The following HHLA1 variants were observed in gnomAD, a reference collection of about 807,000 sequenced individuals.
The protein encoded by HHLA1 is HERV-H LTR-associating protein 1.
HHLA1 carries 72 observed loss-of-function variants against 69.9 expected under a neutral mutation model. That is an observed-to-expected ratio of 1.03 (90% CI 0.85 to 1.25). The LOEUF (loss-of-function observed/expected upper bound fraction) is 1.25. HHLA1 is among the 50% of genes most tolerant of loss of function. The pLI is 0.00. For synonymous variants in HHLA1, 252 were observed against 233.2 expected, an observed-to-expected ratio of 1.08 and a Z score of -0.73; for missense variants, 685 against 642.2, an observed-to-expected ratio of 1.07 and a Z score of -0.72.
chr8:132,084,061 A>G (rs976354086), intron 10 of HHLA1, among the ~76,000 whole-genome samples: 2 of 152,064 alleles, frequency 1.3e-5, no homozygotes, highest in African/African-American at 4.8e-5. Flanking sequence ...GATGAAAAAG[A>G]GCCTAAATGC....
chr8:132,073,581 TCAGTTATGCAA>T (rs1436545479), intron 14 of HHLA1, among the ~76,000 whole-genome samples: 1 of 152,170 alleles, frequency 6.6e-6, no homozygotes, highest in African/African-American at 2.4e-5. Flanking sequence ...TGCAGTTGTA[TCAGTTATGCAA>T]CAGGGAGTAA....
At chr8:132,088,112 TCTGAGGTCAG>T (rs1823892153) in intron 8 of HHLA1, among the ~76,000 whole-genome samples, 4 of 152,324 alleles carry the variant, frequency 2.6e-5, no homozygotes, top group Admixed American at 2.0e-4. Context: ...AGGCAGAGTC[TCTGAGGTCAG>T]CTTCTAGGGT....
At position 132,105,197 on chromosome 8, in the gene HHLA1, A is replaced by G; in HGVS notation, c.69T>C (p.Leu23=). Reference sequence around the variant, plus strand: ...TCCAGCTAGACCCACCTGTGTTCCAAAGGGACAAGACACATGCCAGGCCCA... The same window carrying G: ...TCCAGCTAGACCCACCTGTGTTCCAGAGGGACAAGACACATGCCAGGCCCA... ...LCMGLACVLS[L]WNTVSGIKGE... is the part of the protein sequence containing the mutation. The change falls in exon 2 of 17, where the codon CTT becomes CTC. Residue 23 remains leucine (L), a synonymous_variant. Transcript: ENST00000414222. The G allele has an allele frequency of 6.4e-7, 1 of 1,551,916 alleles. No homozygotes were observed. The highest frequency in any genetic ancestry group is 1.4e-5 in the African/African-American group (1 of 73,140).
At chr8:132,076,806 C>A (rs760184890) in intron 12 of HHLA1, among the ~76,000 whole-genome samples, 2 of 152,092 alleles carry the variant, frequency 1.3e-5, no homozygotes, top group Non-Finnish European at 2.9e-5. Context: ...TATGGTGACC[C>A]TGCACAGGAG....
rs1375116868 is a variant in HHLA1 at position 132,065,889 on chromosome 8, G to A, written c.1549C>T (p.His517Tyr). 3.9e-6 allele frequency: 5 copies of A among 1,293,194 alleles called. No homozygotes were observed. Among genetic ancestry groups the A allele is most frequent in the Non-Finnish European group, 5.1e-6 (5 of 977,916 alleles). 80.1% of individuals were successfully genotyped at this position (1,293,194 alleles called of 1,614,324 possible). A position where few individuals can be genotyped will look rare whatever the true frequency, so the allele number is the denominator to read the frequency against. The stretch of plus-strand genomic sequence containing the variant: ...CATAGTCAAGCTGTGTACTTACTGT[G>A]CGAGTGGGACACCCTTTTCACCCTC... ...CQRVKRVSHS[H>Y]TLKQKCLENI... The change falls in exon 16 of 17, where the codon CAC becomes TAC. Residue 517 changes from histidine to tyrosine, a missense_variant. Coordinates refer to ENST00000414222, the MANE Select transcript of HHLA1 (RefSeq NM_001145095.3).
intron 8 of HHLA1, among the ~76,000 whole-genome samples, chr8:132,088,924 C>G (rs1435400641): frequency 1.3e-5 from 2 of 152,228 alleles, no homozygotes; most frequent in Non-Finnish European, 2.9e-5. Context: ...GTTACTATTT[C>G]TCTTTCTCCC....
At chr8:132,068,942 T>A (rs1823484661) in intron 15 of HHLA1, among the ~76,000 whole-genome samples, 1 of 152,138 alleles carries the variant, frequency 6.6e-6, no homozygotes, top group Admixed American at 6.5e-5. Flanking sequence ...TGGACAGGAT[T>A]TAGAGGGCTG....
chr8:132,100,969 T>C (rs1824102442), intron 3 of HHLA1, among the ~76,000 whole-genome samples: 1 of 152,218 alleles, frequency 6.6e-6, no homozygotes, highest in African/African-American at 2.4e-5. Flanking sequence ...AGGTGCATTA[T>C]TTTACATTTT....
intron 10 of HHLA1, among the ~76,000 whole-genome samples, chr8:132,083,960 G>C (rs185534861): frequency 1.6e-3 from 248 of 151,672 alleles, no homozygotes; most frequent in Middle Eastern, 0.01. Flanking sequence ...TTGAGAATAA[G>C]ACGGCCTTTT....
At chr8:132,084,085 A>G (rs936448371) in intron 10 of HHLA1, among the ~76,000 whole-genome samples, 1 of 152,122 alleles carries the variant, frequency 6.6e-6, no homozygotes, top group Non-Finnish European at 1.5e-5. Flanking sequence ...CTGATTTGGG[A>G]TAAAGAAAAA....
intron 10 of HHLA1, among the ~76,000 whole-genome samples, chr8:132,087,374 A>G (rs1030676826): frequency 6.6e-5 from 10 of 152,198 alleles, no homozygotes. Flanking sequence ...AGACAGGACT[A>G]TGGAAAAGAA....
intron 11 of HHLA1, 37 bp from the exon 12 acceptor site, chr8:132,078,008 T>C (rs535565906): frequency 5.8e-6 from 9 of 1,542,140 alleles, no homozygotes; most frequent in Non-Finnish European, 8.8e-7. Context: ...GGTACAGACA[T>C]GCTTGACCAC....
chr8:132,065,933 T>C lies in HHLA1; in HGVS notation c.1505A>G (p.Asn502Ser). 1 of 1,302,788 alleles carries C rather than the reference T, an allele frequency of 7.7e-7. No individual in the cohort carries two copies. The highest frequency in any genetic ancestry group is 1.0e-6 in the Non-Finnish European group (1 of 986,526). 80.7% of individuals were successfully genotyped at this position (1,302,788 alleles called of 1,614,324 possible). ...CACCCTCTGACAGATATATGTTGCATTCTTCAGAAACCAGGAATAGTATTC... is the reference window on the plus strand; with the variant it reads ...CACCCTCTGACAGATATATGTTGCACTCTTCAGAAACCAGGAATAGTATTC... ...CLEYYSWFLK[N>S]ATYICQRVKR... The change falls in exon 16 of 17, where the codon AAT becomes AGT. Residue 502 changes from asparagine (N) to serine (S), a missense_variant. Coordinates refer to ENST00000414222, the MANE Select transcript of HHLA1 (RefSeq NM_001145095.3).
intron 12 of HHLA1, among the ~76,000 whole-genome samples, chr8:132,076,756 C>T (rs187318131): frequency 2.6e-5 from 4 of 152,232 alleles, no homozygotes; most frequent in Non-Finnish European, 5.9e-5. Flanking sequence ...TGTGATACAG[C>T]GTGATGGTTG....
intron 1 of HHLA1, among the ~76,000 whole-genome samples, chr8:132,107,871 G>T (rs1187355054): frequency 1.3e-5 from 2 of 152,018 alleles, no homozygotes; most frequent in African/African-American, 4.8e-5. Flanking sequence ...CTTCAGACTG[G>T]CTAGACTTCA....
At chr8:132,083,761 G>C (rs1823805457) in intron 10 of HHLA1, among the ~76,000 whole-genome samples, 1 of 152,198 alleles carries the variant, frequency 6.6e-6, no homozygotes, top group East Asian at 1.9e-4. Flanking sequence ...CGGGCGTTTG[G>C]AAGTTCTTGT....
chr8:132,070,363 T>C, intron 15 of HHLA1: 1 of 702,088 alleles, frequency 1.4e-6, no homozygotes, highest in Non-Finnish European at 2.6e-6. Context: ...GGATGATTGG[T>C]AGGGATTTAT....
chr8:132,085,569 A>T (rs1390138737), intron 10 of HHLA1: 1 of 249,282 alleles, frequency 4.0e-6, no homozygotes, highest in Non-Finnish European at 7.9e-6. Flanking sequence ...CGTCCGTGTG[A>T]AGAGACCACC....
intron 1 of HHLA1, among the ~76,000 whole-genome samples, chr8:132,107,545 C>G (rs545527614): frequency 6.6e-6 from 1 of 152,242 alleles, no homozygotes; most frequent in South Asian, 2.1e-4. Flanking sequence ...GATGACCTAC[C>G]TGCCTCAGCC....
Sources: allele counts gnomAD v4.1 joint callset (sites outside exome capture counted in the v4.1 genomes callset), GRCh38; gene constraint gnomAD v4.1.1; transcripts MANE v1.5; gene names NCBI Gene and HGNC (gene_info 2026-07-23, HGNC 2026-07-21).